FN1: variants seen among roughly 807,000 people sequenced by gnomAD.
FN1 encodes fibronectin.
Under a neutral mutation model 297.3 loss-of-function variants are expected in FN1, and 106 were observed. The observed-to-expected ratio is 0.36, with a 90% CI of 0.30 to 0.42. The LOEUF is 0.42. Ranked by LOEUF, FN1 falls within the 10% of genes least tolerant of loss-of-function variation. The pLI is 1.00. For missense variants in FN1, 2,690 were observed against 3,124.9 expected (o/e 0.86, Z 3.32); for synonymous variants, 1,149 against 1,152.6 (o/e 1.00, Z 0.06).
intron 42 of FN1, 84 bp from the exon 43 acceptor site, chr2:215,365,714 AGG>A: frequency 7.6e-7 from 1 of 1,315,730 alleles, no homozygotes; most frequent in Non-Finnish European, 1.1e-6. Context: ...GACGTGTCAC[AGG>A]GTCTTCAGAA....
rs1275480466 is a variant in FN1 at position 215,365,529 on chromosome 2, T to G, written c.7120A>C (p.Lys2374Gln). The G allele has an allele frequency of 3.1e-6, 5 of 1,613,988 alleles. No homozygotes were observed. In the Admixed American group the frequency reaches 8.3e-5, roughly 27 times the overall value. ...CGAGGGTCACACTTGAATTCTCCTT[T>G]TCCGTTCCCAAGACATGTGCAGCTC... Reference protein sequence around the residue: ...MMSCTCLGNGKGEFKCDPHEA... With the variant: ...MMSCTCLGNGQGEFKCDPHEA... The change falls in exon 43 of 46, where the codon AAA becomes CAA. Residue 2374 changes from lysine (K) to glutamine (Q), a missense_variant. Physicochemically the swap from Lys to Gln is moderately conservative, Grantham distance 53 (BLOSUM62 1). This residue lies in a region of FN1 where 1,743 missense variants were observed against 1,945.2 expected (regional missense o/e 0.90). Coordinates refer to ENST00000354785, the MANE Select transcript of FN1 (RefSeq NM_212482.4).
intron 24 of FN1, among the ~76,000 whole-genome samples, chr2:215,394,142 G>A (rs1446771310): frequency 6.6e-6 from 1 of 152,220 alleles, no homozygotes; most frequent in Non-Finnish European, 1.5e-5. Flanking sequence ...AATTGATATG[G>A]ATTGTAAAAT....
intron 20 of FN1, among the ~76,000 whole-genome samples, chr2:215,403,861 A>G (rs1370517686): frequency 6.6e-6 from 1 of 152,226 alleles, no homozygotes; most frequent in East Asian, 1.9e-4. Flanking sequence ...CTTCATGTTC[A>G]ATTAGTTGGT....
chr2:215,377,995 G>C (rs1275139095), intron 35 of FN1, among the ~76,000 whole-genome samples, 180 bp downstream of exon 35: 1 of 151,758 alleles, frequency 6.6e-6, no homozygotes, highest in Non-Finnish European at 1.5e-5. Flanking sequence ...TTTTTTAAGA[G>C]ACAGGGCCTT....
At chr2:215,377,977 A>T (rs934460747) in intron 35 of FN1, among the ~76,000 whole-genome samples, 198 bp downstream of exon 35, 1 of 151,970 alleles carries the variant, frequency 6.6e-6, no homozygotes, top group Non-Finnish European at 1.5e-5. Context: ...TATTTTATTT[A>T]TTTTATTTTT....
Position 215,375,194 on chromosome 2 carries a change from C to T in FN1, c.6157+20G>A, listed in dbSNP as rs753443978. The T allele has an allele frequency of 6.2e-7, 1 of 1,612,852 alleles. No homozygotes were observed. ...TCCTAGGTAGTAAGAAGGAAAATGA[C>T]AGCATGGAAGCAGCAATACCAGTAA... On this transcript the variant is annotated intron_variant, in intron 38 of 45. Transcript: ENST00000354785.
Position 215,397,809 on chromosome 2 carries a change from C to T in FN1, c.3388G>A (p.Glu1130Lys), listed in dbSNP as rs1312711201. 6.2e-7 allele frequency: 1 copy of T among 1,614,062 alleles called. No individual in the cohort carries two copies. The highest frequency in any genetic ancestry group is 8.5e-7 in the Non-Finnish European group (1 of 1,180,022). The change falls in exon 22 of 46, where the codon GAA (glutamate) becomes AAA (lysine). Residue 1130 changes from glutamate to lysine, a missense_variant. Physicochemically the swap from Glu to Lys is moderately conservative, Grantham distance 56. This residue lies in a region of FN1 where 1,743 missense variants were observed against 1,945.2 expected (regional missense o/e 0.90). Transcript: ENST00000354785. ...RPSQGGEAPR[E>K]VTSDSGSIVV... is the part of the protein sequence containing the mutation. ...ATGCTTCCTGAGTCTGAAGTCACTTCTCGTGGTGCCTCTCCTCCCTGGCTT... is the reference window on the plus strand; with the variant it reads ...ATGCTTCCTGAGTCTGAAGTCACTTTTCGTGGTGCCTCTCCTCCCTGGCTT...
At position 215,370,312 on chromosome 2, in the gene FN1, C is replaced by T. The variant is rs2055627712; in HGVS notation, c.6835G>A (p.Val2279Ile). 1 of 1,614,024 alleles carries T rather than the reference C, an allele frequency of 6.2e-7. No individual in the cohort carries two copies. The highest frequency in any genetic ancestry group is 8.5e-7 in the Non-Finnish European group (1 of 1,179,984). ...TACATACCAGAGTTGCCCACGGTAA[C>T]AACCTCTTCCCGAACCTTATGCCTC... Reference protein sequence around the residue: ...QQRHKVREEVVTVGNSVNEGL... With the variant: ...QQRHKVREEVITVGNSVNEGL... Residue 2279 changes from valine to isoleucine, a missense_variant, in exon 41 of 46, where the codon GTT becomes ATT. Physicochemically the swap from Val to Ile is conservative, Grantham distance 29 (BLOSUM62 3). This residue lies in a region of FN1 where 1,743 missense variants were observed against 1,945.2 expected (regional missense o/e 0.90). Transcript: ENST00000354785.
chr2:215,393,369 C>T (rs893872873), intron 24 of FN1, 166 bp from the exon 25 acceptor site: 3 of 616,618 alleles, frequency 4.9e-6, no homozygotes, highest in Non-Finnish European at 8.3e-6. Flanking sequence ...AAAAGACTTC[C>T]TAAGCATCAT....
At chr2:215,365,844 C>T (rs1304191206) in intron 42 of FN1, 3 of 230,094 alleles carry the variant, frequency 1.3e-5, no homozygotes, top group East Asian at 1.0e-4. Flanking sequence ...CTTTCTCTGT[C>T]GCCCAGACTG....
chr2:215,399,938 A>C (rs981887008), intron 20 of FN1, among the ~76,000 whole-genome samples: 1 of 152,182 alleles, frequency 6.6e-6, no homozygotes, highest in Non-Finnish European at 1.5e-5. Context: ...CTGTAATCCC[A>C]GCACTTTGGG....
At chr2:215,402,755 A>G (rs561394314) in intron 20 of FN1, among the ~76,000 whole-genome samples, 8 of 152,318 alleles carry the variant, frequency 5.3e-5, no homozygotes, top group African/African-American at 1.4e-4. Context: ...GTTAACCTTT[A>G]TCTAATAAAA....
rs1202819003 is a variant in FN1, at chr2:215,397,818, C to G, written c.3379G>C (p.Ala1127Pro). The stretch of plus-strand genomic sequence containing the variant: ...GAGTCTGAAGTCACTTCTCGTGGTG[C>G]CTCTCCTCCCTGGCTTGGTCGTACA... ...LGVRPSQGGE[A>P]PREVTSDSGS... The change falls in exon 22 of 46, where the codon GCA (alanine) becomes CCA (proline). Residue 1127 changes from alanine to proline, a missense_variant. Transcript: ENST00000354785. The G allele has an allele frequency of 1.9e-6, 3 of 1,614,102 alleles. No homozygotes were observed. The highest frequency in any genetic ancestry group is 2.5e-6 in the Non-Finnish European group (3 of 1,179,982).
At position 215,410,128 on chromosome 2, in the gene FN1, T is replaced by C; in HGVS notation, c.1942-14A>G. 1 of 1,513,878 alleles carries C rather than the reference T, an allele frequency of 6.6e-7. No homozygotes were observed. Among genetic ancestry groups the C allele is most frequent in the Non-Finnish European group, 8.9e-7 (1 of 1,125,542 alleles). 93.8% of individuals were successfully genotyped at this position (1,513,878 alleles called of 1,614,324 possible). Reference sequence around the variant, plus strand: ...TACAGAATTTTTCTGAAAATTTAAATTAACACACACACACACACACACACG... The same window carrying C: ...TACAGAATTTTTCTGAAAATTTAAACTAACACACACACACACACACACACG... On this transcript the variant is annotated splice_polypyrimidine_tract_variant and intron_variant, in intron 13 of 45. Coordinates refer to ENST00000354785, the MANE Select transcript of FN1 (RefSeq NM_212482.4).
chr2:215,364,780 C>T (rs767720577), intron 44 of FN1, 99 bp downstream of exon 44: 109 of 792,936 alleles, frequency 1.4e-4, no homozygotes, highest in Non-Finnish European at 2.2e-4. Flanking sequence ...TTAATACTTC[C>T]GAAGGGTCTC....
chr2:215,371,105 T>TA (rs1271424299), intron 40 of FN1, among the ~76,000 whole-genome samples: 2 of 140,800 alleles, frequency 1.4e-5, no homozygotes, highest in Admixed American at 7.7e-5. Context: ...CCGTCTCTAC[T>TA]AAAAATACAA....
chr2:215,410,726 C>T (rs1310576227), intron 13 of FN1, among the ~76,000 whole-genome samples: 9 of 152,060 alleles, frequency 5.9e-5, no homozygotes, highest in Non-Finnish European at 1.3e-4. Context: ...AGGCTGGTCT[C>T]GAACTCCCGA....
intron 12 of FN1, among the ~76,000 whole-genome samples, chr2:215,417,306 A>C (rs987136189): frequency 1.3e-5 from 2 of 152,216 alleles, no homozygotes; most frequent in African/African-American, 4.8e-5. Flanking sequence ...GATGATACCA[A>C]AAAAAGGAGA....
Position 215,381,204 on chromosome 2 carries a change from C to T in FN1, c.5165-124G>A, listed in dbSNP as rs1232935798. ...TGATGAAGTCCAATTAACCCACTAT[C>T]AAAAGGAAAAATCACTTAAACACTT... On this transcript the variant is annotated intron_variant, in intron 32 of 45. Coordinates refer to ENST00000354785, the MANE Select transcript of FN1 (RefSeq NM_212482.4). 3 of 937,286 alleles carry T rather than the reference C, an allele frequency of 3.2e-6. No individual in the cohort carries two copies. The African/African-American group carries it at 4.9e-5, about 15-fold the overall frequency. The allele number at this position is 937,286 out of a possible 1,614,324, so 58.1% of individuals were successfully genotyped here. A position where few individuals can be genotyped will look rare whatever the true frequency, so the allele number is the denominator to read the frequency against.
Sources: gnomAD v4.1 joint callset for allele counts (sites outside exome capture counted in the v4.1 genomes callset) on GRCh38, gnomAD v4.1.1 for gene constraint, gnomAD v4.1.1 regional missense constraint, MANE v1.5 for transcripts, NCBI Gene and HGNC (gene_info 2026-07-23, HGNC 2026-07-21) for gene names.